Variants in COL5A2 observed in about 807,000 individuals in gnomAD.
COL5A2 encodes the protein collagen type V alpha 2 chain, also known as collagen alpha-2(V) chain.
In COL5A2, 23 loss-of-function variants were observed where a neutral mutation model predicts 208.2. That is an observed-to-expected ratio of 0.11 (90% CI 0.08 to 0.16). COL5A2 has a LOEUF of 0.16. COL5A2 is among the 10% of genes least tolerant of loss of function. The probability of loss-of-function intolerance (pLI) is 1.00; values close to 1 mark genes in which losing one functional copy is unlikely to be tolerated. For missense variants in COL5A2, 1,590 were observed against 1,956.4 expected (o/e 0.81, Z 3.53); for synonymous variants, 625 against 628.5 (o/e 0.99, Z 0.08).
chr2:189,337,478 G>A, the COL5A2 span, among the ~76,000 whole-genome samples: 1 of 151,974 alleles, frequency 6.6e-6, no homozygotes, highest in African/African-American at 2.4e-5. Flanking sequence ...CACCGCGCCC[G>A]GCCGACATCA....
At chr2:189,304,922 A>G in the COL5A2 span, among the ~76,000 whole-genome samples, 1 of 152,226 alleles carries the variant, frequency 6.6e-6, no homozygotes, top group African/African-American at 2.4e-5. Flanking sequence ...TTAATAATGC[A>G]ATCAAATTTT....
At chr2:189,061,944 A>G (rs936973889) in intron 29 of COL5A2, among the ~76,000 whole-genome samples, 1 of 152,178 alleles carries the variant, frequency 6.6e-6, no homozygotes, top group Non-Finnish European at 1.5e-5. Flanking sequence ...TAATCTAAAA[A>G]CATAATATTT....
intron 42 of COL5A2, 64 bp from the exon 43 acceptor site, chr2:189,050,740 C>A: frequency 7.3e-7 from 1 of 1,372,440 alleles, no homozygotes; most frequent in Non-Finnish European, 1.0e-6. Flanking sequence ...AAGGAATTTA[C>A]AATAAGTTGG....
chr2:189,195,280 G>C (rs148622123), intron 1 of COL5A2, among the ~76,000 whole-genome samples: 1 of 152,062 alleles, frequency 6.6e-6, no homozygotes, highest in Non-Finnish European at 1.5e-5. Flanking sequence ...CTTCTTCAAG[G>C]AGAGCTACAA....
intron 1 of COL5A2, among the ~76,000 whole-genome samples, chr2:189,219,453 C>T (rs910941371): frequency 1.3e-5 from 2 of 151,972 alleles, no homozygotes; most frequent in African/African-American, 4.8e-5. Context: ...TAGTTCTTTC[C>T]TTATAGAGAG....
At chr2:189,284,353 G>T in the COL5A2 span, among the ~76,000 whole-genome samples, 4 of 152,126 alleles carry the variant, frequency 2.6e-5, no homozygotes, top group African/African-American at 9.7e-5. Flanking sequence ...AAGAAAAGAG[G>T]TATAATTGAT....
the COL5A2 span, among the ~76,000 whole-genome samples, chr2:189,409,540 T>C: frequency 2.0e-5 from 3 of 152,132 alleles, no homozygotes; most frequent in Non-Finnish European, 4.4e-5. Flanking sequence ...AGAAATGAGA[T>C]TTAGATTTTT....
Position 189,110,405 on chromosome 2 carries a change from A to G in COL5A2, c.142T>C (p.Tyr48His), listed in dbSNP as rs750126490. 1.2e-6 allele frequency: 2 copies of G among 1,614,038 alleles called. No individual in the cohort carries two copies. Among genetic ancestry groups the G allele is most frequent in the African/African-American group, 2.7e-5 (2 of 74,924 alleles). ...GGTTTCCAAATGTCCCTGTTTAAGTACATCTGGCCATTCTGAGTGCAGGCT... is the reference window on the plus strand; with the variant it reads ...GGTTTCCAAATGTCCCTGTTTAAGTGCATCTGGCCATTCTGAGTGCAGGCT... Reference protein sequence around the residue: ...EIACTQNGQMYLNRDIWKPAP... With the variant: ...EIACTQNGQMHLNRDIWKPAP... Residue 48 changes from tyrosine (Y) to histidine (H), a missense_variant, in exon 2 of 54, where the codon TAC becomes CAC. Physicochemically the swap from Tyr to His is moderately conservative, Grantham distance 83 (BLOSUM62 2). Transcript: ENST00000374866.
At chr2:189,065,184 T>C (rs1467533523) in intron 23 of COL5A2, 127 bp from the exon 24 acceptor site, 9 of 821,376 alleles carry the variant, frequency 1.1e-5, no homozygotes, top group Non-Finnish European at 1.8e-5. Context: ...TGGCTATAGA[T>C]ATGCATGAGA....
At chr2:189,040,198 A>C (rs1314549727) in intron 50 of COL5A2, among the ~76,000 whole-genome samples, 1 of 152,164 alleles carries the variant, frequency 6.6e-6, no homozygotes, top group Non-Finnish European at 1.5e-5. Flanking sequence ...ATGTTGCCCA[A>C]GTTGGATTCA....
the COL5A2 span, among the ~76,000 whole-genome samples, chr2:189,425,620 C>T: frequency 2.9e-3 from 435 of 152,240 alleles, 3 homozygotes; most frequent in African/African-American, 8.6e-3. Flanking sequence ...CCACATGATA[C>T]AATTTGAATT....
chr2:189,327,958 T>C, the COL5A2 span, among the ~76,000 whole-genome samples: 4 of 152,224 alleles, frequency 2.6e-5, no homozygotes, highest in South Asian at 8.3e-4. Context: ...TCTAATGTGA[T>C]TTAAAATTTT....
rs746155819 is a variant in COL5A2, at chr2:189,052,977, C to T, written c.2595G>A (p.Glu865=). 3.7e-6 allele frequency: 6 copies of T among 1,614,186 alleles called. No individual in the cohort carries two copies. Among genetic ancestry groups the T allele is most frequent in the Non-Finnish European group, 5.1e-6 (6 of 1,180,018 alleles). Residue 865 remains glutamate (E), a synonymous_variant, in exon 39 of 54, where the codon GAG becomes GAA. Coordinates refer to ENST00000374866, the MANE Select transcript of COL5A2 (RefSeq NM_000393.5). The stretch of plus-strand genomic sequence containing the variant: ...AACCAGCATCTCCCTTCTGTCCTGG[C>T]TCTCCAGGTTCACCTTTTACTCCAG... The part of the protein sequence containing the change: ...GQPGVKGEPG[E]PGQKGDAGSP...
intron 7 of COL5A2, among the ~76,000 whole-genome samples, chr2:189,091,665 CA>C (rs201663253): frequency 2.4e-4 from 36 of 151,112 alleles, no homozygotes; most frequent in Admixed American, 3.3e-4. Flanking sequence ...CACTGGGAAA[CA>C]AAAAAAAATT....
chr2:189,247,782 G>A, the COL5A2 span, among the ~76,000 whole-genome samples: 1 of 152,016 alleles, frequency 6.6e-6, no homozygotes, highest in Admixed American at 6.5e-5. Context: ...GTTTCACCAA[G>A]TTGGTCAGGC....
At chr2:189,210,716 G>T (rs373747206) in intron 1 of COL5A2, among the ~76,000 whole-genome samples, 1 of 152,186 alleles carries the variant, frequency 6.6e-6, no homozygotes, top group Non-Finnish European at 1.5e-5. Context: ...TTAAAATCTT[G>T]TCAGCTATAT....
the COL5A2 span, among the ~76,000 whole-genome samples, chr2:189,277,723 C>T: frequency 6.6e-6 from 1 of 151,982 alleles, no homozygotes; most frequent in African/African-American, 2.4e-5. Context: ...ACTCATAGAT[C>T]CAATGTCTTC....
Position 189,032,205 on chromosome 2 carries a change from T to TA in COL5A2, c.*1864dup, listed in dbSNP as rs1210381152. 6.6e-6 allele frequency: 1 copy of TA among 152,138 alleles called. No individual in the cohort carries two copies. The highest frequency in any genetic ancestry group is 2.4e-5 in the African/African-American group (1 of 41,446). 9.4% of individuals were successfully genotyped at this position (152,138 alleles called of 1,614,324 possible). ...ACAATTAGGCTAAATTCATATGTGA[T>TA]ACACTTTGAGACATATGTTTTATTA... On this transcript the variant is annotated 3_prime_UTR_variant, in exon 54 of 54. Coordinates refer to ENST00000374866, the MANE Select transcript of COL5A2 (RefSeq NM_000393.5).
chr2:189,211,973 T>C (rs1689218288), intron 1 of COL5A2, among the ~76,000 whole-genome samples: 1 of 152,176 alleles, frequency 6.6e-6, no homozygotes, highest in African/African-American at 2.4e-5. Flanking sequence ...ACTTGAGAAA[T>C]GACAGGACAA....
Sources: gnomAD v4.1 joint callset for allele counts (sites outside exome capture counted in the v4.1 genomes callset) on GRCh38, gnomAD v4.1.1 for gene constraint, MANE v1.5 for transcripts, NCBI Gene and HGNC (gene_info 2026-07-23, HGNC 2026-07-21) for gene names.